The following PCMTD1 variants were observed in gnomAD, a reference collection of about 807,000 sequenced individuals.
PCMTD1 encodes the protein protein-L-isoaspartate O-methyltransferase domain-containing protein 1.
PCMTD1 carries 12 observed loss-of-function variants against 37.6 expected under a neutral mutation model. The ratio of observed to expected loss-of-function variants is 0.32; its 90% CI spans 0.20 to 0.52. PCMTD1 has a LOEUF of 0.52. Among genes scored for constraint, PCMTD1 ranks in the 20% least tolerant of loss-of-function variants. PCMTD1 has a pLI of 0.97. For missense variants in PCMTD1, 235 were observed against 421.3 expected, an observed-to-expected ratio of 0.56 and a Z score of 3.87; for synonymous variants, 117 against 135.8, an observed-to-expected ratio of 0.86 and a Z score of 0.96.
chr8:51,875,876 G>A (rs1368899025), intron 1 of PCMTD1, among the ~76,000 whole-genome samples: 3 of 152,184 alleles, frequency 2.0e-5, no homozygotes, highest in African/African-American at 7.2e-5. Flanking sequence ...AGGCTGCAGT[G>A]AGCTATGACT....
chr8:51,847,213 C>A (rs1167856641), intron 2 of PCMTD1, among the ~76,000 whole-genome samples: 10 of 152,134 alleles, frequency 6.6e-5, no homozygotes, highest in Non-Finnish European at 1.5e-4. Flanking sequence ...AAAAATTAAA[C>A]TTAGAAAAGC....
chr8:51,832,430 C>T (rs1358465734), intron 4 of PCMTD1, among the ~76,000 whole-genome samples: 1 of 152,150 alleles, frequency 6.6e-6, no homozygotes, highest in Non-Finnish European at 1.5e-5. Context: ...ATAGTGAGAT[C>T]CACTGAGCTG....
At chr8:51,820,938 G>T (rs2037838869) in intron 5 of PCMTD1, among the ~76,000 whole-genome samples, 1 of 152,180 alleles carries the variant, frequency 6.6e-6, no homozygotes, top group Admixed American at 6.5e-5. Context: ...GCATGTGTGT[G>T]TGTCTGTGTG....
At chr8:51,886,595 C>T (rs930565166) in intron 1 of PCMTD1, among the ~76,000 whole-genome samples, 1 of 152,202 alleles carries the variant, frequency 6.6e-6, no homozygotes, top group Non-Finnish European at 1.5e-5. Context: ...GAAGAAATCT[C>T]ACCTGGCAGG....
At chr8:51,833,760 G>T in intron 3 of PCMTD1, 71 bp from the exon 4 acceptor site, 1 of 1,276,712 alleles carries the variant, frequency 7.8e-7, no homozygotes, top group Non-Finnish European at 1.1e-6. Flanking sequence ...CCATAATCCA[G>T]TCCTTTGAAA....
In PCMTD1 at chr8:51,831,544, T is replaced by C. The variant is rs780651326; in HGVS notation, c.606A>G (p.Gly202=). 3.5e-5 allele frequency: 56 copies of C among 1,613,112 alleles called. No individual in the cohort carries two copies. The highest frequency in any genetic ancestry group is 4.5e-5 in the Non-Finnish European group (53 of 1,179,548). The stretch of plus-strand genomic sequence containing the variant: ...TATTTTTACTTTCCCAAGTGTTCTG[T>C]CCAGTTCGCATAATCTGTGTTAACT... ...EDQLTQIMRT[G]QNTWESKNIL... Residue 202 remains glycine, a synonymous_variant, in exon 5 of 6, where the codon GGA becomes GGG. Transcript: ENST00000522514.
At chr8:51,879,594 C>T (rs916985497) in intron 1 of PCMTD1, among the ~76,000 whole-genome samples, 2 of 152,214 alleles carry the variant, frequency 1.3e-5, no homozygotes, top group African/African-American at 4.8e-5. Context: ...AGGTTCTCCT[C>T]AATTAAAGCT....
chr8:51,836,900 C>G (rs945864727), intron 3 of PCMTD1, among the ~76,000 whole-genome samples: 30 of 152,114 alleles, frequency 2.0e-4, no homozygotes, highest in Admixed American at 1.4e-3. Flanking sequence ...TGTAGTAATA[C>G]AATGGTTTAT....
chr8:51,875,979 C>T (rs183828521), intron 1 of PCMTD1, among the ~76,000 whole-genome samples: 2 of 151,910 alleles, frequency 1.3e-5, no homozygotes, highest in African/African-American at 4.8e-5. Flanking sequence ...TGTGTGTGTG[C>T]ATGTGCGTGC....
At chr8:51,857,555 G>C (rs989236170) in intron 2 of PCMTD1, among the ~76,000 whole-genome samples, 4 of 152,044 alleles carry the variant, frequency 2.6e-5, no homozygotes, top group East Asian at 3.9e-4. Flanking sequence ...GACGTGGGAG[G>C]CTGCTTTATT....
chr8:51,847,527 T>G (rs1046234792), intron 2 of PCMTD1, among the ~76,000 whole-genome samples: 9 of 152,058 alleles, frequency 5.9e-5, no homozygotes, highest in African/African-American at 2.2e-4. Context: ...CTTGGGAGGC[T>G]GAGGCTTGAG....
At chr8:51,868,847 T>G (rs575871879) in intron 1 of PCMTD1, among the ~76,000 whole-genome samples, 10 of 152,304 alleles carry the variant, frequency 6.6e-5, no homozygotes, top group African/African-American at 2.2e-4. Flanking sequence ...GAAAATAAAG[T>G]AAAATTAAAA....
rs1367793023 is a variant in PCMTD1 at position 51,819,611 on chromosome 8, T to G, written c.*740A>C. On this transcript the variant is annotated 3_prime_UTR_variant, in exon 6 of 6. Transcript: ENST00000522514. Reference sequence around the variant, plus strand: ...TATAGAGTTAAGATAACCTCATTTTTTTAAATACTGAAAATGTAAAGGGTC... The same window carrying G: ...TATAGAGTTAAGATAACCTCATTTTGTTAAATACTGAAAATGTAAAGGGTC... The G allele has an allele frequency of 1.3e-5, 2 of 152,478 alleles. No homozygotes were observed. The highest frequency in any genetic ancestry group is 4.8e-5 in the African/African-American group (2 of 41,454). 9.4% of individuals were successfully genotyped at this position (152,478 alleles called of 1,614,324 possible). A position where few individuals can be genotyped will look rare whatever the true frequency, so the allele number is the denominator to read the frequency against.
chr8:51,838,779 T>C (rs1488789119), intron 3 of PCMTD1, among the ~76,000 whole-genome samples: 1 of 152,156 alleles, frequency 6.6e-6, no homozygotes, highest in Non-Finnish European at 1.5e-5. Context: ...TCTCTAAGAC[T>C]GAACAATAAA....
chr8:51,864,621 T>A (rs545619119), intron 1 of PCMTD1, among the ~76,000 whole-genome samples: 1 of 152,150 alleles, frequency 6.6e-6, no homozygotes, highest in Non-Finnish European at 1.5e-5. Context: ...GAAAAACCAA[T>A]TGGTCAAAGA....
intron 1 of PCMTD1, among the ~76,000 whole-genome samples, chr8:51,877,442 T>C (rs1456095351): frequency 1.3e-5 from 2 of 152,234 alleles, no homozygotes; most frequent in African/African-American, 4.8e-5. Flanking sequence ...CAATGTTTGC[T>C]TGGATTCAGT....
intron 1 of PCMTD1, among the ~76,000 whole-genome samples, chr8:51,893,404 T>C (rs1275241979): frequency 2.0e-5 from 3 of 152,218 alleles, no homozygotes; most frequent in Non-Finnish European, 2.9e-5. Context: ...GAATTATGTA[T>C]AATCTGTGTG....
chr8:51,834,246 G>A (rs2129276685), intron 3 of PCMTD1, among the ~76,000 whole-genome samples: 1 of 152,258 alleles, frequency 6.6e-6, no homozygotes, highest in East Asian at 1.9e-4. Flanking sequence ...AATTTTGGCT[G>A]AGGAACATCA....
intron 1 of PCMTD1, among the ~76,000 whole-genome samples, chr8:51,891,675 A>T (rs1263506313): frequency 7.9e-6 from 1 of 126,968 alleles, no homozygotes; most frequent in African/African-American, 2.6e-5. Flanking sequence ...AAAAACAAAA[A>T]ATATATATAT....
Sources: gnomAD v4.1 joint callset for allele counts (sites outside exome capture counted in the v4.1 genomes callset) on GRCh38, gnomAD v4.1.1 for gene constraint, MANE v1.5 for transcripts, NCBI Gene and HGNC (gene_info 2026-07-23, HGNC 2026-07-21) for gene names.